Variants in GNAS observed in about 807,000 individuals in gnomAD.
GNAS encodes protein ALEX.
A neutral mutation model predicts 54.5 loss-of-function variants in GNAS; 8 were observed. The ratio of observed to expected loss-of-function variants is 0.15; its 90% CI spans 0.09 to 0.26. GNAS has a LOEUF of 0.26. Among genes scored for constraint, GNAS ranks in the 10% least tolerant of loss-of-function variants. The pLI is 1.00. For missense variants in GNAS, 170 were observed against 529.8 expected (o/e 0.32, Z 6.67); for synonymous variants, 204 against 191.4 (o/e 1.07, Z -0.54).
chr20:58,882,369 C>G (rs542945112), intron 1 of GNAS, among the ~76,000 whole-genome samples: 1 of 152,332 alleles, frequency 6.6e-6, no homozygotes, highest in African/African-American at 2.4e-5. Context: ...TTTTTATTAT[C>G]AGGGAGCAAC....
chr20:58,893,246 T>G (rs184918894), intron 1 of GNAS, among the ~76,000 whole-genome samples: 1 of 144,254 alleles, frequency 6.9e-6, no homozygotes, highest in East Asian at 1.9e-4. Flanking sequence ...TTCCTCTGAT[T>G]AAAAAAATAA....
chr20:58,900,200 A>G, intron 3 of GNAS: 1 of 559,334 alleles, frequency 1.8e-6, no homozygotes, highest in Admixed American at 3.2e-5. Flanking sequence ...CTCTATAAGA[A>G]ATGACTAATT....
At chr20:58,900,084 G>T in intron 3 of GNAS, 1 of 541,548 alleles carries the variant, frequency 1.8e-6, no homozygotes. Context: ...GGGGAGGGGG[G>T]ATGGGGCCCC....
At chr20:58,894,012 ACACAATATTTTG>A (rs2089791599) in intron 1 of GNAS, among the ~76,000 whole-genome samples, 1 of 152,372 alleles carries the variant, frequency 6.6e-6, no homozygotes, top group South Asian at 2.1e-4. Context: ...TAAGCCAGTG[ACACAATATTTTG>A]CATTTTTAAA....
chr20:58,885,183 C>A (rs1268947139), intron 1 of GNAS, among the ~76,000 whole-genome samples: 1 of 152,202 alleles, frequency 6.6e-6, no homozygotes, highest in Non-Finnish European at 1.5e-5. Flanking sequence ...GTGAGAAAGG[C>A]ACTGATGGCC....
intron 1 of GNAS, among the ~76,000 whole-genome samples, chr20:58,846,504 G>A (rs1227567976): frequency 6.6e-6 from 1 of 152,166 alleles, no homozygotes; most frequent in Non-Finnish European, 1.5e-5. Context: ...TACTTCAATT[G>A]CTACACTCAA....
At chr20:58,892,149 C>CT in intron 1 of GNAS, 1 of 961,674 alleles carries the variant, frequency 1.0e-6, no homozygotes, top group Non-Finnish European at 1.2e-6. Context: ...CGCTCTCGCT[C>CT]TCCCCCTCTT....
rs1255492971 is a variant in GNAS, at chr20:58,841,305, G to A, written c.43+419G>A. On this transcript the variant is annotated intron_variant, in intron 1 of 12. Transcript: ENST00000306090. This position sits in a 1 kb window ranked among gnomAD's most constrained non-coding sequence, Gnocchi z 5.0. ...TGGCCTTCTCAGGTGTCCAAAATGT[G>A]GTTCGGAGGTGCGCGCGCCAACTTT... 2 of 1,063,442 alleles carry A rather than the reference G, an allele frequency of 1.9e-6. No homozygotes were observed. Among genetic ancestry groups the A allele is most frequent in the Non-Finnish European group, 1.1e-6 (1 of 878,144 alleles). 65.9% of individuals were successfully genotyped at this position (1,063,442 alleles called of 1,614,324 possible). A position where few individuals can be genotyped will look rare whatever the true frequency, so the allele number is the denominator to read the frequency against.
chr20:58,863,421 A>G lies in GNAS; in HGVS notation c.43+22535A>G, dbSNP rs1175368421. On this transcript the variant is annotated intron_variant, in intron 1 of 12. Coordinates refer to the GNAS transcript ENST00000306090. This position sits in a 1 kb window ranked among gnomAD's most constrained non-coding sequence, Gnocchi z 4.1. ...ATTGGATCTTACTAAATGTTTTTTAATGATTCAATTTGGGGCGAGGAGAGA... is the reference window on the plus strand; with the variant it reads ...ATTGGATCTTACTAAATGTTTTTTAGTGATTCAATTTGGGGCGAGGAGAGA... The G allele has an allele frequency of 1.3e-5, 2 of 152,158 alleles. No individual in the cohort carries two copies. Among genetic ancestry groups the G allele is most frequent in the African/African-American group, 4.8e-5 (2 of 41,440 alleles). The allele number at this position is 152,158 out of a possible 1,614,324, so 9.4% of individuals were successfully genotyped here.
chr20:58,899,986 C>T, intron 3 of GNAS: 1 of 716,584 alleles, frequency 1.4e-6, no homozygotes, highest in Non-Finnish European at 2.6e-6. Flanking sequence ...AGTTTCTCAT[C>T]TTCCCGGCTA....
rs904208541 is a variant in GNAS at position 58,873,750 on chromosome 20, C to G, written c.44-21862C>G. ...ATGTATTGAGTGCCAAATATGTGCC[C>G]TTCCCCGTGGGGAAGACAAAAGTAT... On this transcript the variant is annotated intron_variant, in intron 1 of 12. Transcript: ENST00000306090. This position sits in a 1 kb window ranked among gnomAD's most constrained non-coding sequence, Gnocchi z 4.3. Among the ~76,000 whole-genome samples the G allele has an allele frequency of 6.6e-6, 1 of 152,138 alleles. No individual in the cohort carries two copies. Among genetic ancestry groups the G allele is most frequent in the African/African-American group, 2.4e-5 (1 of 41,412 alleles).
At chr20:58,851,526 G>A (rs986284027) in intron 1 of GNAS, among the ~76,000 whole-genome samples, 2 of 152,100 alleles carry the variant, frequency 1.3e-5, no homozygotes, top group Admixed American at 6.5e-5. Flanking sequence ...GACCTGATGC[G>A]CACCTGCCGA....
chr20:58,897,712 G>A (rs1026428882), intron 2 of GNAS: 1 of 152,240 alleles, frequency 6.6e-6, no homozygotes, highest in African/African-American at 2.4e-5. Context: ...CTTCTTTGCA[G>A]ACAAGGGCAC....
intron 1 of GNAS, among the ~76,000 whole-genome samples, chr20:58,844,858 C>G (rs921122615): frequency 6.6e-6 from 1 of 151,990 alleles, no homozygotes; most frequent in African/African-American, 2.4e-5. Context: ...AAAAAAAGCA[C>G]CAGCTAGGAA....
chr20:58,847,733 GTTCCC>G lies in GNAS; in HGVS notation c.43+6855_43+6859del, dbSNP rs1317403725. ...AAAAATACTGTTTTTCGTGGTTTCTGTTCCCTTCCCTTTCACCCACCTCCCTTCCC... is the reference window on the plus strand; with the variant it reads ...AAAAATACTGTTTTTCGTGGTTTCTGTTCCCTTTCACCCACCTCCCTTCCC... On this transcript the variant is annotated intron_variant, in intron 1 of 12. Coordinates refer to the GNAS transcript ENST00000306090. Among the ~76,000 whole-genome samples the G allele has an allele frequency of 6.6e-5, 10 of 152,270 alleles. No homozygotes were observed. The East Asian group carries it at 1.7e-3, about 26-fold the overall frequency.
At position 58,863,466 on chromosome 20, in the gene GNAS, T is replaced by C. The variant is rs574922708; in HGVS notation, c.43+22580T>C. The C allele has an allele frequency of 1.3e-5, 2 of 152,286 alleles. No individual in the cohort carries two copies. Among genetic ancestry groups the C allele is most frequent in the South Asian group, 2.1e-4 (1 of 4,816 alleles). 9.4% of individuals were successfully genotyped at this position (152,286 alleles called of 1,614,324 possible). ...GAGAGAGGTATAAAGGTAGTATAAA[T>C]TGTTATCCAATCTCAAATTTATTAT... is the stretch of plus-strand genomic sequence containing the variant. On this transcript the variant is annotated intron_variant, in intron 1 of 12. Coordinates refer to the GNAS transcript ENST00000306090. The surrounding 1 kb of genome is among the most constrained non-coding windows in gnomAD (Gnocchi z 4.1).
chr20:58,910,597 A>G lies in GNAS; in HGVS notation c.1039-86A>G. On this transcript the variant is annotated intron_variant, in intron 12 of 12. Coordinates refer to ENST00000371085, the MANE Select transcript of GNAS (RefSeq NM_000516.7). This position sits in a 1 kb window ranked among gnomAD's most constrained non-coding sequence, Gnocchi z 5.8. ...CATATGACATCAGAGGCTGGCTGAC[A>G]GCCGTCCCTGGTAGGTGTCCCCATC... 2 of 1,500,486 alleles carry G rather than the reference A, an allele frequency of 1.3e-6. No individual in the cohort carries two copies. The highest frequency in any genetic ancestry group is 1.9e-6 in the Non-Finnish European group (2 of 1,079,602). 92.9% of individuals were successfully genotyped at this position (1,500,486 alleles called of 1,614,324 possible).
rs945393744 is a variant in GNAS, at chr20:58,841,393, G to A, written c.43+507G>A. On this transcript the variant is annotated intron_variant, in intron 1 of 12. Coordinates refer to the GNAS transcript ENST00000306090. This position sits in a 1 kb window ranked among gnomAD's most constrained non-coding sequence, Gnocchi z 5.0. The stretch of plus-strand genomic sequence containing the variant: ...GAAATGTGCGGAAAGTAATCTGAAT[G>A]GGAATGGGCGAGAACTCTAGAGACT... 2.0e-6 allele frequency: 2 copies of A among 1,011,096 alleles called. No homozygotes were observed. The highest frequency in any genetic ancestry group is 5.2e-5 in the Admixed American group (1 of 19,220). The allele number at this position is 1,011,096 out of a possible 1,614,324, so 62.6% of individuals were successfully genotyped here. A position where few individuals can be genotyped will look rare whatever the true frequency, so the allele number is the denominator to read the frequency against.
At position 58,841,887 on chromosome 20, in the gene GNAS, C is replaced by G; in HGVS notation, c.43+1001C>G. 1 of 1,231,368 alleles carries G rather than the reference C, an allele frequency of 8.1e-7. No individual in the cohort carries two copies. The highest frequency in any genetic ancestry group is 1.0e-6 in the Non-Finnish European group (1 of 987,846). The allele number at this position is 1,231,368 out of a possible 1,614,324, so 76.3% of individuals were successfully genotyped here. ...TCGCAAGTGGAAAGGTAAAGCGGAACAAGGGACAGGCTGGAGACGGGGGTC... is the reference window on the plus strand; with the variant it reads ...TCGCAAGTGGAAAGGTAAAGCGGAAGAAGGGACAGGCTGGAGACGGGGGTC... On this transcript the variant is annotated intron_variant, in intron 1 of 12. Transcript: ENST00000306090. This position sits in a 1 kb window ranked among gnomAD's most constrained non-coding sequence, Gnocchi z 5.0.
Sources: gnomAD v4.1 joint callset for allele counts (sites outside exome capture counted in the v4.1 genomes callset) on GRCh38, gnomAD v4.1.1 for gene constraint, Gnocchi (gnomAD v3.1) non-coding constraint, MANE v1.5 for transcripts, NCBI Gene and HGNC (gene_info 2026-07-23, HGNC 2026-07-21) for gene names.